Variants in TSPAN7 observed in about 807,000 individuals in gnomAD.
TSPAN7 encodes tetraspanin-7.
In TSPAN7, 1 loss-of-function variant was observed where a neutral mutation model predicts 17.6. That is an observed-to-expected ratio of 0.06 (90% CI 0.02 to 0.27). The LOEUF (loss-of-function observed/expected upper bound fraction) is 0.27, where lower values mean the gene tolerates loss of function less well. Ranked by LOEUF, TSPAN7 falls within the 10% of genes least tolerant of loss-of-function variation. The probability of loss-of-function intolerance (pLI) is 1.00; values close to 1 mark genes in which losing one functional copy is unlikely to be tolerated. For missense variants in TSPAN7, 112 were observed against 201.7 expected (o/e 0.56, Z 2.69); for synonymous variants, 78 against 79.0 (o/e 0.99, Z 0.07).
At chrX:38,615,989 G>A (rs1478903033) in intron 1 of TSPAN7, among the ~76,000 whole-genome samples, 1 of 111,730 alleles carries the variant, frequency 9.0e-6, no homozygotes, top group African/African-American at 3.3e-5. Context: ...TGCATTCTTG[G>A]AAAAGTCATT....
chrX:38,685,584 C>A (rs1457490574), intron 6 of TSPAN7, among the ~76,000 whole-genome samples: 1 of 112,178 alleles, frequency 8.9e-6, no homozygotes, highest in Non-Finnish European at 1.9e-5. Flanking sequence ...TGCACCACTG[C>A]ACTCCAGCCT....
chrX:38,676,815 G>T (rs1602124460), intron 5 of TSPAN7, among the ~76,000 whole-genome samples: 1 of 112,019 alleles, frequency 8.9e-6, no homozygotes, highest in African/African-American at 3.2e-5. Flanking sequence ...GTTTCTATTT[G>T]AATTTTCTTA....
chrX:38,664,188 C>T (rs1396942638), intron 1 of TSPAN7, among the ~76,000 whole-genome samples: 1 of 111,915 alleles, frequency 8.9e-6, no homozygotes, highest in Non-Finnish European at 1.9e-5. Context: ...TATGTGGTAT[C>T]TGATAAGCTC....
At chrX:38,619,789 A>G (rs980671705) in intron 1 of TSPAN7, among the ~76,000 whole-genome samples, 1 of 112,278 alleles carries the variant, frequency 8.9e-6, no homozygotes, top group Non-Finnish European at 1.9e-5. Flanking sequence ...TGTACAAGTC[A>G]TCTTATTTTG....
At chrX:38,586,596 T>C (rs2069259483) in intron 1 of TSPAN7, among the ~76,000 whole-genome samples, 1 of 112,142 alleles carries the variant, frequency 8.9e-6, no homozygotes, top group Non-Finnish European at 1.9e-5. Flanking sequence ...AAAAAGCCGA[T>C]TTCTTGAAAA....
chrX:38,631,867 A>G (rs1330999296), intron 1 of TSPAN7, among the ~76,000 whole-genome samples: 1 of 112,035 alleles, frequency 8.9e-6, no homozygotes, highest in Non-Finnish European at 1.9e-5. Context: ...TTCTTGCTAT[A>G]TGATCCATTG....
At chrX:38,577,341 C>T (rs1301584524) in intron 1 of TSPAN7, among the ~76,000 whole-genome samples, 1 of 111,042 alleles carries the variant, frequency 9.0e-6, no homozygotes, top group Admixed American at 9.6e-5. Context: ...TATACTTCCT[C>T]ACCCTCCCCA....
chrX:38,598,310 A>G (rs900941452), intron 1 of TSPAN7, among the ~76,000 whole-genome samples: 1 of 111,146 alleles, frequency 9.0e-6, no homozygotes, highest in African/African-American at 3.3e-5. Context: ...CCTGGGATAA[A>G]GTTGCTTTGG....
At position 38,561,597 on chromosome X, in the gene TSPAN7, C is replaced by A. The variant is rs1245095698; in HGVS notation, c.51C>A (p.Thr17=). The A allele has an allele frequency of 8.3e-7, 1 of 1,208,206 alleles. No homozygotes were observed. The highest frequency in any genetic ancestry group is 1.8e-5 in the South Asian group (1 of 56,842). The part of the protein sequence containing the change: ...ETKPVITCLK[T]LLIIYSFVFW... ...AACCTGTGATAACCTGTCTCAAAACCCTCCTCATCATCTACTCCTTCGTCT... is the reference window on the plus strand; with the variant it reads ...AACCTGTGATAACCTGTCTCAAAACACTCCTCATCATCTACTCCTTCGTCT... Residue 17 remains threonine (T), a synonymous_variant, in exon 1 of 8, where the codon ACC becomes ACA. Transcript: ENST00000378482.
At chrX:38,603,821 AT>A (rs1004795098) in intron 1 of TSPAN7, among the ~76,000 whole-genome samples, 6 of 108,753 alleles carry the variant, frequency 5.5e-5, no homozygotes, top group African/African-American at 1.3e-4. Flanking sequence ...TATTTTATTT[AT>A]TTTTTTGTTG....
At chrX:38,637,598 A>G (rs931076273) in intron 1 of TSPAN7, among the ~76,000 whole-genome samples, 16 of 112,101 alleles carry the variant, frequency 1.4e-4, no homozygotes, top group Admixed American at 4.7e-4. Context: ...CTTTCCCCAC[A>G]GGAGAGTAAG....
rs762549984 is a variant in TSPAN7 at position 38,563,036 on chromosome X, A to G, written c.81+1409A>G. On this transcript the variant is annotated intron_variant, in intron 1 of 7. Coordinates refer to ENST00000378482, the MANE Select transcript of TSPAN7 (RefSeq NM_004615.4). Reference sequence around the variant, plus strand: ...CTAGATGGCAAACCGGACTGTTTGCAATGGTCAAGGAAGAAGCAGAGATTT... The same window carrying G: ...CTAGATGGCAAACCGGACTGTTTGCGATGGTCAAGGAAGAAGCAGAGATTT... The G allele has an allele frequency of 3.1e-6, 3 of 968,866 alleles. No homozygotes were observed. In the South Asian group the frequency reaches 6.0e-5, roughly 19 times the overall value. The allele number at this position is 968,866 out of a possible 1,213,427, so 79.8% of individuals were successfully genotyped here. A position where few individuals can be genotyped will look rare whatever the true frequency, so the allele number is the denominator to read the frequency against.
intron 1 of TSPAN7, among the ~76,000 whole-genome samples, chrX:38,589,011 A>G (rs2069275089): frequency 8.9e-6 from 1 of 111,962 alleles, no homozygotes. Flanking sequence ...ATGCTTCTTG[A>G]CATGGAAGCC....
chrX:38,623,955 C>G (rs1364341987), intron 1 of TSPAN7, among the ~76,000 whole-genome samples: 1 of 85,621 alleles, frequency 1.2e-5, no homozygotes, highest in Non-Finnish European at 2.2e-5. Context: ...ATAAGTGTAT[C>G]TCAGTGTTAG....
chrX:38,651,643 G>A (rs1054152726), intron 1 of TSPAN7, among the ~76,000 whole-genome samples: 1 of 112,094 alleles, frequency 8.9e-6, no homozygotes, highest in Non-Finnish European at 1.9e-5. Flanking sequence ...GGGCTGAGCA[G>A]GTAGAGCCCT....
At chrX:38,561,821 AC>A (rs909090728) in intron 1 of TSPAN7, among the ~76,000 whole-genome samples, 194 bp downstream of exon 1, 1 of 109,842 alleles carries the variant, frequency 9.1e-6, no homozygotes. Context: ...GGAACCCTAG[AC>A]CTCGCTCCGC....
At chrX:38,645,386 C>A (rs1255872323) in intron 1 of TSPAN7, among the ~76,000 whole-genome samples, 2 of 112,201 alleles carry the variant, frequency 1.8e-5, no homozygotes, top group Non-Finnish European at 3.8e-5. Flanking sequence ...CAATTTAAAA[C>A]AGCTGCTATT....
chrX:38,600,972 AGCCAGC>A (rs1231332480), intron 1 of TSPAN7, among the ~76,000 whole-genome samples: 19 of 111,809 alleles, frequency 1.7e-4, no homozygotes, highest in Admixed American at 1.6e-3. Flanking sequence ...CCAAGGAATC[AGCCAGC>A]ATTATGTACA....
At chrX:38,675,489 G>A (rs1246110968) in intron 4 of TSPAN7, among the ~76,000 whole-genome samples, 1 of 111,744 alleles carries the variant, frequency 8.9e-6, no homozygotes, top group Non-Finnish European at 1.9e-5. Flanking sequence ...GAAAGCCAAT[G>A]TGATATATAA....
Sources: allele counts gnomAD v4.1 joint callset (sites outside exome capture counted in the v4.1 genomes callset), GRCh38; gene constraint gnomAD v4.1.1; transcripts MANE v1.5; gene names NCBI Gene and HGNC (gene_info 2026-07-23, HGNC 2026-07-21).